MAN1C1: variants seen among roughly 807,000 people sequenced by gnomAD.
MAN1C1 encodes mannosidase alpha class 1C member 1.
Under a neutral mutation model 71.5 loss-of-function variants are expected in MAN1C1, and 49 were observed. The observed-to-expected ratio is 0.69, with a 90% CI of 0.54 to 0.87. The LOEUF (loss-of-function observed/expected upper bound fraction) is 0.87, where lower values mean the gene tolerates loss of function less well. MAN1C1 is among the 40% of genes least tolerant of loss of function. MAN1C1 has a pLI of 0.00. For missense variants in MAN1C1, 743 were observed against 835.0 expected (o/e 0.89, Z 1.36); for synonymous variants, 352 against 343.7 (o/e 1.02, Z -0.27).
rs1203427639 is a variant in MAN1C1 at position 25,776,842 on chromosome 1, G to A, written c.1258-1263G>A. Among the ~76,000 whole-genome samples the A allele has an allele frequency of 3.3e-5, 5 of 152,106 alleles. No individual in the cohort carries two copies. Among genetic ancestry groups the A allele is most frequent in the Admixed American group, 6.5e-5 (1 of 15,270 alleles). On this transcript the variant is annotated intron_variant, in intron 8 of 11. Coordinates refer to ENST00000374332, the MANE Select transcript of MAN1C1 (RefSeq NM_020379.4). The surrounding 1 kb of genome is among the most constrained non-coding windows in gnomAD (Gnocchi z 4.3). ...AGGGGTCAGTAATTAGTGGGGACTCGCTCTGTGCTGGGAAATAGGCCAAGT... is the reference window on the plus strand; with the variant it reads ...AGGGGTCAGTAATTAGTGGGGACTCACTCTGTGCTGGGAAATAGGCCAAGT...
intron 2 of MAN1C1, among the ~76,000 whole-genome samples, chr1:25,699,290 A>G (rs969364168): frequency 1.3e-5 from 2 of 151,618 alleles, no homozygotes; most frequent in African/African-American, 4.9e-5. Flanking sequence ...ACAAGAGCGA[A>G]ACTCCATCTT....
intron 2 of MAN1C1, among the ~76,000 whole-genome samples, chr1:25,687,281 C>G (rs2046245931): frequency 6.6e-6 from 1 of 152,190 alleles, no homozygotes; most frequent in Non-Finnish European, 1.5e-5. Flanking sequence ...CTTTGTCCTC[C>G]TCCAGCCACA....
chr1:25,725,120 C>T lies in MAN1C1; in HGVS notation c.638-21548C>T, dbSNP rs745710376. Among the ~76,000 whole-genome samples the T allele has an allele frequency of 2.6e-5, 4 of 152,148 alleles. No homozygotes were observed. Among genetic ancestry groups the T allele is most frequent in the Non-Finnish European group, 4.4e-5 (3 of 68,034 alleles). On this transcript the variant is annotated intron_variant, in intron 2 of 11. Coordinates refer to ENST00000374332, the MANE Select transcript of MAN1C1 (RefSeq NM_020379.4). This position sits in a 1 kb window ranked among gnomAD's most constrained non-coding sequence, Gnocchi z 4.8. Reference sequence around the variant, plus strand: ...TGGGAGCTGCCTTTTGTCAAAGCACCATTAAAACCCAGCTCTGGTCAATAC... The same window carrying T: ...TGGGAGCTGCCTTTTGTCAAAGCACTATTAAAACCCAGCTCTGGTCAATAC...
Position 25,778,183 on chromosome 1 carries a change from C to A in MAN1C1, c.1336C>A (p.His446Asn). The A allele has an allele frequency of 6.2e-7, 1 of 1,612,484 alleles. No individual in the cohort carries two copies. Residue 446 changes from histidine to asparagine, a missense_variant, in exon 9 of 12, where the codon CAC (histidine) becomes AAC (asparagine). Physicochemically the swap from His to Asn is moderately conservative, Grantham distance 68. Coordinates refer to ENST00000374332, the MANE Select transcript of MAN1C1 (RefSeq NM_020379.4). This position sits in a 1 kb window ranked among gnomAD's most constrained non-coding sequence, Gnocchi z 5.5. ...CGAGTGGCGAGGGGGGATTCTGGAC[C>A]ACAAGATGGGGCACCTGGCCTGTTT... ...IAEWRGGILD[H>N]KMGHLACFSG...
chr1:25,734,233 A>T (rs558060464), intron 2 of MAN1C1, among the ~76,000 whole-genome samples: 301 of 152,250 alleles, frequency 2.0e-3, no homozygotes, highest in Middle Eastern at 6.8e-3. Context: ...GGTTCAAGCG[A>T]TTCTCATGCC....
intron 1 of MAN1C1, among the ~76,000 whole-genome samples, chr1:25,628,321 T>A (rs1333956538): frequency 1.3e-5 from 2 of 152,178 alleles, no homozygotes; most frequent in African/African-American, 4.8e-5. Flanking sequence ...TTATTTTTAT[T>A]TTTGAGAAGG....
At chr1:25,619,103 T>C (rs1320600844) in intron 1 of MAN1C1, among the ~76,000 whole-genome samples, 3 of 152,152 alleles carry the variant, frequency 2.0e-5, no homozygotes, top group Admixed American at 6.5e-5. Flanking sequence ...GTTTAAGAAA[T>C]CAAAAGCAAA....
chr1:25,733,512 G>A (rs539895305), intron 2 of MAN1C1, among the ~76,000 whole-genome samples: 3 of 152,054 alleles, frequency 2.0e-5, no homozygotes, highest in East Asian at 3.9e-4. Context: ...CTGCCCGAAC[G>A]CTGCCCATCT....
chr1:25,710,234 T>C (rs1261217537), intron 2 of MAN1C1: 5 of 152,178 alleles, frequency 3.3e-5, no homozygotes, highest in African/African-American at 1.2e-4. Flanking sequence ...TTATTGACCT[T>C]GGGTAAATTA....
At chr1:25,618,834 C>T (rs1236502203) in intron 1 of MAN1C1, among the ~76,000 whole-genome samples, 1 of 152,056 alleles carries the variant, frequency 6.6e-6, no homozygotes, top group Non-Finnish European at 1.5e-5. Flanking sequence ...ATTTGGTGTC[C>T]TGCAAATATT....
intron 2 of MAN1C1, among the ~76,000 whole-genome samples, chr1:25,722,977 G>C (rs965147169): frequency 6.6e-6 from 1 of 152,154 alleles, no homozygotes; most frequent in East Asian, 1.9e-4. Context: ...ATTGTGACCT[G>C]TCTTTTCTGT....
intron 1 of MAN1C1, chr1:25,644,491 C>T (rs2045582231): frequency 2.5e-5 from 3 of 121,376 alleles, no homozygotes; most frequent in Admixed American, 8.7e-5. Context: ...GTAATGGTAC[C>T]AGAGACATAT....
intron 1 of MAN1C1, among the ~76,000 whole-genome samples, chr1:25,636,048 G>A (rs2045455417): frequency 6.6e-6 from 1 of 152,186 alleles, no homozygotes; most frequent in East Asian, 1.9e-4. Flanking sequence ...GATTCTAAAA[G>A]GGTAGGGGGT....
chr1:25,738,403 G>C (rs891779279), intron 2 of MAN1C1, among the ~76,000 whole-genome samples: 2 of 152,162 alleles, frequency 1.3e-5, no homozygotes, highest in African/African-American at 4.8e-5. Flanking sequence ...TGGGTAATGG[G>C]GATGTCACTT....
rs556324063 is a variant in MAN1C1, at chr1:25,778,880, G to A, written c.1477+556G>A. ...CCCACCACTCACCACTGAATTGTCC[G>A]ATGCTAGAATCAGAGGTCACATTTG... On this transcript the variant is annotated intron_variant, in intron 9 of 11. Coordinates refer to ENST00000374332, the MANE Select transcript of MAN1C1 (RefSeq NM_020379.4). The surrounding 1 kb of genome is among the most constrained non-coding windows in gnomAD (Gnocchi z 5.5). Among the ~76,000 whole-genome samples the A allele has an allele frequency of 3.3e-5, 5 of 152,260 alleles. No homozygotes were observed. The highest frequency in any genetic ancestry group is 6.5e-5 in the Admixed American group (1 of 15,294).
intron 1 of MAN1C1, among the ~76,000 whole-genome samples, chr1:25,671,141 A>G (rs2045987711): frequency 6.6e-6 from 1 of 152,174 alleles, no homozygotes; most frequent in African/African-American, 2.4e-5. Context: ...GGCCTCCAGA[A>G]GTGCTGGGAT....
intron 2 of MAN1C1, among the ~76,000 whole-genome samples, chr1:25,709,268 A>G (rs554764912): frequency 4.5e-4 from 68 of 152,294 alleles, no homozygotes; most frequent in African/African-American, 1.5e-3. Context: ...AACACGGAGG[A>G]GGCAGTAAGA....
At chr1:25,713,955 A>G (rs764924185) in intron 2 of MAN1C1, among the ~76,000 whole-genome samples, 8 of 152,182 alleles carry the variant, frequency 5.3e-5, no homozygotes, top group African/African-American at 9.6e-5. Flanking sequence ...CTCCTCAAAT[A>G]GACACACCAG....
chr1:25,756,179 C>CATGCAT (rs2047283761), intron 5 of MAN1C1, among the ~76,000 whole-genome samples: 1 of 152,258 alleles, frequency 6.6e-6, no homozygotes, highest in Non-Finnish European at 1.5e-5. Context: ...ACAATACTTA[C>CATGCAT]ATGCATAATT....
Sources: allele counts gnomAD v4.1 joint callset (sites outside exome capture counted in the v4.1 genomes callset), GRCh38; gene constraint gnomAD v4.1.1; non-coding constraint Gnocchi (gnomAD v3.1); transcripts MANE v1.5; gene names NCBI Gene and HGNC (gene_info 2026-07-23, HGNC 2026-07-21).